Variants in PCED1B observed in about 807,000 individuals in gnomAD.
The protein encoded by PCED1B is PC-esterase domain containing 1B.
For synonymous variants in PCED1B, 251 were observed against 246.1 expected, an observed-to-expected ratio of 1.02 and a Z score of -0.19; for missense variants, 573 against 573.9, an observed-to-expected ratio of 1.00 and a Z score of 0.02.
At chr12:47,109,763 AG>A (rs1231272443) in intron 2 of PCED1B, among the ~76,000 whole-genome samples, 2 of 152,206 alleles carry the variant, frequency 1.3e-5, no homozygotes, top group Non-Finnish European at 2.9e-5. Context: ...CTTTTTTAAA[AG>A]GCTATTAAAA....
Position 47,136,539 on chromosome 12 carries a change from C to T in PCED1B, c.-526+32344C>T, listed in dbSNP as rs748150836. Among the ~76,000 whole-genome samples, 3 of 152,260 alleles carry T rather than the reference C, an allele frequency of 2.0e-5. No homozygotes were observed. In the South Asian group the frequency reaches 6.2e-4, roughly 32 times the overall value. ...TGGGAAAGAAACCAAATATTCATGC[C>T]TTTATGCACTGCACAAAACTTGCAC... On this transcript the variant is annotated intron_variant, in intron 2 of 3. Transcript: ENST00000546455.
At chr12:47,201,482 G>T (rs1467452291) in intron 2 of PCED1B, among the ~76,000 whole-genome samples, 1 of 152,090 alleles carries the variant, frequency 6.6e-6, no homozygotes, top group East Asian at 1.9e-4. Flanking sequence ...TGGAAGCAAG[G>T]CTAGGTGATT....
intron 3 of PCED1B, among the ~76,000 whole-genome samples, chr12:47,222,421 TCAAA>T (rs1943510832): frequency 4.1e-5 from 1 of 24,680 alleles, no homozygotes. Flanking sequence ...AAACTCCATC[TCAAA>T]AAAAAAAAAA....
At chr12:47,125,640 C>T (rs752148744) in intron 2 of PCED1B, among the ~76,000 whole-genome samples, 3 of 151,962 alleles carry the variant, frequency 2.0e-5, no homozygotes, top group African/African-American at 7.2e-5. Context: ...GAACCATAAA[C>T]GTGGTATATC....
intron 2 of PCED1B, among the ~76,000 whole-genome samples, chr12:47,149,244 T>C (rs1187497763): frequency 6.6e-6 from 1 of 152,190 alleles, no homozygotes; most frequent in East Asian, 1.9e-4. Context: ...GAGCTGACAA[T>C]ACACTTCACT....
intron 2 of PCED1B, among the ~76,000 whole-genome samples, chr12:47,177,624 G>A (rs1316144491): frequency 6.6e-6 from 1 of 151,988 alleles, no homozygotes; most frequent in Non-Finnish European, 1.5e-5. Flanking sequence ...GTGGGGGGTG[G>A]CAACTAGAAA....
intron 2 of PCED1B, among the ~76,000 whole-genome samples, chr12:47,107,868 C>T (rs1939024869): frequency 6.6e-6 from 1 of 152,142 alleles, no homozygotes; most frequent in African/African-American, 2.4e-5. Flanking sequence ...GGTAAGACTC[C>T]TAAACCAGAA....
chr12:47,152,989 A>G (rs1478816257), intron 2 of PCED1B, among the ~76,000 whole-genome samples: 1 of 152,102 alleles, frequency 6.6e-6, no homozygotes, highest in Non-Finnish European at 1.5e-5. Context: ...TTATTTAGAA[A>G]ACGATTATTA....
chr12:47,099,060 C>T (rs1278181989), intron 1 of PCED1B, among the ~76,000 whole-genome samples: 3 of 152,180 alleles, frequency 2.0e-5, no homozygotes, highest in Admixed American at 6.5e-5. Flanking sequence ...TGGACTTCCC[C>T]GTCCCCTTCT....
chr12:47,147,950 A>C (rs1940852270), intron 2 of PCED1B, among the ~76,000 whole-genome samples: 1 of 152,144 alleles, frequency 6.6e-6, no homozygotes, highest in Admixed American at 6.5e-5. Flanking sequence ...AATTTTCTTC[A>C]TTCCTTTTGT....
intron 2 of PCED1B, among the ~76,000 whole-genome samples, chr12:47,130,222 A>G (rs1188772413): frequency 6.6e-6 from 1 of 152,220 alleles, no homozygotes; most frequent in African/African-American, 2.4e-5. Flanking sequence ...CAATAAAATA[A>G]AAAGTCACTT....
At chr12:47,086,537 G>GAGAAACA (rs1391227045) in intron 1 of PCED1B, among the ~76,000 whole-genome samples, 2 of 152,108 alleles carry the variant, frequency 1.3e-5, no homozygotes, top group Middle Eastern at 3.2e-3. Flanking sequence ...TATATAATGA[G>GAGAAACA]AGAAACAAGC....
intron 1 of PCED1B, among the ~76,000 whole-genome samples, chr12:47,086,531 T>C (rs1372788069): frequency 6.6e-6 from 1 of 152,188 alleles, no homozygotes; most frequent in Non-Finnish European, 1.5e-5. Context: ...CATAATTATA[T>C]AATGAGAGAA....
chr12:47,094,944 T>C (rs1938422639), intron 1 of PCED1B, among the ~76,000 whole-genome samples: 2 of 151,080 alleles, frequency 1.3e-5, no homozygotes, highest in Non-Finnish European at 2.9e-5. Context: ...TCACGTTTTG[T>C]CACACAAGCT....
At chr12:47,212,874 T>G (rs1353548700) in intron 2 of PCED1B, among the ~76,000 whole-genome samples, 2 of 152,230 alleles carry the variant, frequency 1.3e-5, no homozygotes, top group Non-Finnish European at 2.9e-5. Context: ...TTGTGGATTA[T>G]TAATTTGGGA....
Position 47,138,106 on chromosome 12 carries a change from T to TACCAGAC in PCED1B, c.-526+33913_-526+33919dup, listed in dbSNP as rs1160871889. 2.6e-5 allele frequency: 4 copies of TACCAGAC among 152,362 alleles called. No individual in the cohort carries two copies. In the East Asian group the frequency reaches 7.7e-4, roughly 29 times the overall value. The allele number at this position is 152,362 out of a possible 1,614,324, so 9.4% of individuals were successfully genotyped here. A position where few individuals can be genotyped will look rare whatever the true frequency, so the allele number is the denominator to read the frequency against. ...AAAAGATGATGAGTTGGGATAATTG[T>TACCAGAC]ACCAGACATGGTAAACAGAACATAC... On this transcript the variant is annotated intron_variant, in intron 2 of 3. Transcript: ENST00000546455.
At chr12:47,139,906 G>T (rs1009260276) in intron 2 of PCED1B, among the ~76,000 whole-genome samples, 1 of 152,016 alleles carries the variant, frequency 6.6e-6, no homozygotes, top group African/African-American at 2.4e-5. Flanking sequence ...TAGGTGTATA[G>T]TATATAGTGT....
rs192526428 is a variant in PCED1B, at chr12:47,146,294, T to C, written c.-526+42099T>C. On this transcript the variant is annotated intron_variant, in intron 2 of 3. Coordinates refer to ENST00000546455, the MANE Select transcript of PCED1B (RefSeq NM_138371.3). ...AAGAAAGTGGTTTCTTGAGATGGAA[T>C]CTACTCCTGGTGAAGATGCTGTGAA... 1.4e-4 allele frequency among the ~76,000 whole-genome samples: 22 copies of C among 152,300 alleles called. No homozygotes were observed. The East Asian group carries it at 3.3e-3, about 23-fold the overall frequency.
At chr12:47,151,116 T>A (rs1470208370) in intron 2 of PCED1B, among the ~76,000 whole-genome samples, 1 of 134,334 alleles carries the variant, frequency 7.4e-6, no homozygotes, top group Non-Finnish European at 1.6e-5. Context: ...TTTATATATA[T>A]ATACTCTATA....
Sources: gnomAD v4.1 joint callset for allele counts (sites outside exome capture counted in the v4.1 genomes callset) on GRCh38, gnomAD v4.1.1 for gene constraint, MANE v1.5 for transcripts, NCBI Gene and HGNC (gene_info 2026-07-23, HGNC 2026-07-21) for gene names.